Variants in CASK observed in about 807,000 individuals in gnomAD.
CASK encodes the protein calcium/calmodulin dependent serine protein kinase, also known as peripheral plasma membrane protein CASK.
In CASK, 4 loss-of-function variants were observed where a neutral mutation model predicts 82.9. That is an observed-to-expected ratio of 0.05 (90% CI 0.02 to 0.11). The LOEUF is 0.11. CASK is among the 10% of genes least tolerant of loss of function. CASK has a pLI of 1.00. For missense variants in CASK, 358 were observed against 720.9 expected, an observed-to-expected ratio of 0.50 and a Z score of 5.76; for synonymous variants, 259 against 253.5, an observed-to-expected ratio of 1.02 and a Z score of -0.20.
chrX:41,813,372 A>T (rs1175365770), intron 2 of CASK, among the ~76,000 whole-genome samples: 3 of 111,454 alleles, frequency 2.7e-5, no homozygotes, highest in Admixed American at 9.6e-5. Flanking sequence ...CAAAACAGCA[A>T]GGTACTGGCA....
chrX:41,841,082 T>C (rs1310376550), intron 2 of CASK, among the ~76,000 whole-genome samples: 3 of 112,088 alleles, frequency 2.7e-5, no homozygotes, highest in Admixed American at 1.9e-4. Flanking sequence ...TGCTAGGTCA[T>C]AGGGTGCTCT....
At chrX:41,592,221 G>GAA (rs764905417) in intron 12 of CASK, among the ~76,000 whole-genome samples, 4 of 57,101 alleles carry the variant, frequency 7.0e-5, no homozygotes, top group Non-Finnish European at 6.7e-5. Context: ...ACTTTGTCTC[G>GAA]AAAAAAAAAA....
chrX:41,899,347 C>T (rs1400853841), intron 1 of CASK, among the ~76,000 whole-genome samples: 3 of 111,086 alleles, frequency 2.7e-5, no homozygotes, highest in Non-Finnish European at 5.7e-5. Context: ...ATGGTTGAGT[C>T]TTATTTCTTT....
At position 41,764,652 on chromosome X, in the gene CASK, C is replaced by T. The variant is rs939010211; in HGVS notation, c.279-19051G>A. ...TTACTTCCTTTATCTAATCATCAAA[C>T]CCTATCCTTTCTAATTCCTAATTCA... On this transcript the variant is annotated intron_variant, in intron 3 of 26. Transcript: ENST00000378163. Among the ~76,000 whole-genome samples the T allele has an allele frequency of 3.6e-5, 4 of 111,666 alleles. 1 individual carries two copies. The highest frequency in any genetic ancestry group is 9.2e-3 in the Middle Eastern group (2 of 218).
chrX:41,799,685 TG>T (rs1279032408), intron 2 of CASK, among the ~76,000 whole-genome samples: 1 of 106,888 alleles, frequency 9.4e-6, no homozygotes, highest in Non-Finnish European at 1.9e-5. Context: ...CCCTGGAGAC[TG>T]ATCAAAGGGC....
At chrX:41,809,747 T>C (rs2070227335) in intron 2 of CASK, among the ~76,000 whole-genome samples, 2 of 112,151 alleles carry the variant, frequency 1.8e-5, no homozygotes, top group Admixed American at 9.4e-5. Context: ...GAGAATGACT[T>C]TGACGAGTTG....
chrX:41,526,610 T>C (rs989570639), intron 25 of CASK, among the ~76,000 whole-genome samples: 1 of 112,030 alleles, frequency 8.9e-6, no homozygotes, highest in Non-Finnish European at 1.9e-5. Flanking sequence ...AAACCATCAA[T>C]GGTGGCCATG....
chrX:41,639,563 T>C (rs1373271753), intron 8 of CASK, among the ~76,000 whole-genome samples: 2 of 110,958 alleles, frequency 1.8e-5, no homozygotes, highest in Admixed American at 9.7e-5. Context: ...ACTCTGAATA[T>C]ATATTTTTTT....
intron 1 of CASK, among the ~76,000 whole-genome samples, chrX:41,856,965 C>A (rs2071385159): frequency 9.0e-6 from 1 of 110,545 alleles, no homozygotes; most frequent in Non-Finnish European, 1.9e-5. Flanking sequence ...GAAGCCAGAT[C>A]TTTACCCTTA....
At chrX:41,859,623 T>C (rs750048539) in intron 1 of CASK, among the ~76,000 whole-genome samples, 2 of 111,877 alleles carry the variant, frequency 1.8e-5, no homozygotes, top group South Asian at 3.7e-4. Flanking sequence ...CCAAGCATAG[T>C]GCTGAAGGGA....
chrX:41,793,111 A>C (rs2069769952), intron 2 of CASK, among the ~76,000 whole-genome samples: 1 of 112,307 alleles, frequency 8.9e-6, no homozygotes, highest in Non-Finnish European at 1.9e-5. Flanking sequence ...TTAATAACTA[A>C]ATCTGGAATT....
intron 5 of CASK, among the ~76,000 whole-genome samples, chrX:41,725,379 T>C (rs1263812717): frequency 9.0e-6 from 1 of 111,250 alleles, no homozygotes; most frequent in Non-Finnish European, 1.9e-5. Context: ...AAAATTGCCC[T>C]GAGGGGCTGG....
At chrX:41,541,943 C>T in intron 22 of CASK, among the ~76,000 whole-genome samples, 1 of 111,858 alleles carries the variant, frequency 8.9e-6, no homozygotes, top group Non-Finnish European at 1.9e-5. Flanking sequence ...TATCACCATG[C>T]ATTTTCTTTA....
chrX:41,542,663 C>A (rs1444018989), intron 22 of CASK, 28 bp downstream of exon 22: 2 of 947,780 alleles, frequency 2.1e-6, no homozygotes, highest in Non-Finnish European at 3.0e-6. Flanking sequence ...CTTAACCCAG[C>A]CTCAGTAACA....
chrX:41,739,901 A>T (rs932834653), intron 4 of CASK, among the ~76,000 whole-genome samples: 5 of 112,254 alleles, frequency 4.5e-5, no homozygotes, highest in Non-Finnish European at 9.4e-5. Context: ...TCTTCATCTT[A>T]CTTCTATTTA....
chrX:41,897,420 C>A (rs1195391), intron 1 of CASK, among the ~76,000 whole-genome samples: 18,921 of 111,073 alleles, frequency 0.17, 1,433 homozygotes, highest in Middle Eastern at 0.3. Context: ...ATATGTTGAA[C>A]CATCCTTGCA....
intron 2 of CASK, among the ~76,000 whole-genome samples, chrX:41,795,832 C>G (rs1432877554): frequency 6.3e-5 from 7 of 110,929 alleles, no homozygotes; most frequent in African/African-American, 2.3e-4. Context: ...CTTAACTCCT[C>G]TTCACTTAGG....
chrX:41,660,633 C>T, intron 7 of CASK, 72 bp from the exon 8 acceptor site: 1 of 1,016,221 alleles, frequency 9.8e-7, no homozygotes, highest in Admixed American at 2.2e-5. Flanking sequence ...ATTTAATATT[C>T]CTATATTGCT....
At chrX:41,807,185 T>C (rs2070141706) in intron 2 of CASK, among the ~76,000 whole-genome samples, 1 of 110,912 alleles carries the variant, frequency 9.0e-6, no homozygotes, top group Non-Finnish European at 1.9e-5. Flanking sequence ...TTTCCAGTAA[T>C]GTAATTCTGC....
Sources: allele counts gnomAD v4.1 joint callset (sites outside exome capture counted in the v4.1 genomes callset), GRCh38; gene constraint gnomAD v4.1.1; transcripts MANE v1.5; gene names NCBI Gene and HGNC (gene_info 2026-07-23, HGNC 2026-07-21).